The following XRN2 variants were observed in gnomAD, a reference collection of about 807,000 sequenced individuals.
The protein encoded by XRN2 is 5'-3' exoribonuclease 2.
A neutral mutation model predicts 138.5 loss-of-function variants in XRN2; 44 were observed. The observed-to-expected ratio is 0.32, with a 90% CI of 0.25 to 0.41. XRN2 has a LOEUF of 0.41. XRN2 is among the 10% of genes least tolerant of loss of function. XRN2 has a pLI of 1.00. For missense variants in XRN2, 937 were observed against 1,169.3 expected (o/e 0.80, Z 2.90); for synonymous variants, 354 against 369.4 (o/e 0.96, Z 0.48).
At chr20:21,317,025 A>G (rs777420259) in intron 1 of XRN2, among the ~76,000 whole-genome samples, 12 of 152,188 alleles carry the variant, frequency 7.9e-5, no homozygotes, top group East Asian at 1.9e-4. Context: ...AGGATTTTCT[A>G]TATACACAAT....
chr20:21,326,734 GTCAT>G (rs758824376), intron 3 of XRN2, 133 bp downstream of exon 3: 14 of 710,568 alleles, frequency 2.0e-5, no homozygotes, highest in African/African-American at 3.6e-5. Flanking sequence ...TCATCCTTCA[GTCAT>G]TCATTCAGAT....
chr20:21,333,199 A>G (rs202839), intron 9 of XRN2, among the ~76,000 whole-genome samples: 140,401 of 152,250 alleles, frequency 0.92, 64,853 homozygotes, highest in Non-Finnish European at 0.95. Context: ...GCAAACTTCA[A>G]TCCTCCAGGT....
chr20:21,309,400 T>C (rs1442893872), intron 1 of XRN2, among the ~76,000 whole-genome samples: 1 of 152,218 alleles, frequency 6.6e-6, no homozygotes, highest in East Asian at 1.9e-4. Context: ...TTAGTTTGTA[T>C]CTTTCACAGA....
At chr20:21,367,427 A>G (rs2038716502) in intron 26 of XRN2, among the ~76,000 whole-genome samples, 1 of 152,188 alleles carries the variant, frequency 6.6e-6, no homozygotes, top group African/African-American at 2.4e-5. Context: ...CACCATCAAC[A>G]TGTAATTTAT....
At chr20:21,321,100 C>T (rs1003209412) in intron 1 of XRN2, among the ~76,000 whole-genome samples, 1 of 152,142 alleles carries the variant, frequency 6.6e-6, no homozygotes, top group Non-Finnish European at 1.5e-5. Context: ...ACTGCATCCT[C>T]AACTTCCGGG....
chr20:21,381,713 TACACAC>T (rs10523116), intron 27 of XRN2, among the ~76,000 whole-genome samples: 121,612 of 150,158 alleles, frequency 0.81, 49,156 homozygotes, highest in East Asian at 0.96. Context: ...TACACACACA[TACACAC>T]ACACACACAC....
intron 27 of XRN2, among the ~76,000 whole-genome samples, chr20:21,374,057 CAA>C (rs955371659): frequency 3.3e-5 from 5 of 151,966 alleles, no homozygotes; most frequent in African/African-American, 7.2e-5. Context: ...AAATTCAGGA[CAA>C]AAAGAATTAA....
chr20:21,377,414 G>A (rs1017398642), intron 27 of XRN2, among the ~76,000 whole-genome samples: 10 of 151,602 alleles, frequency 6.6e-5, no homozygotes, highest in African/African-American at 2.4e-4. Context: ...GCACCACCAT[G>A]CCCAGCTACT....
intron 1 of XRN2, among the ~76,000 whole-genome samples, chr20:21,321,095 A>T (rs750081247): frequency 1.1e-4 from 17 of 152,050 alleles, no homozygotes; most frequent in Non-Finnish European, 2.2e-4. Flanking sequence ...GGCCCACTGC[A>T]TCCTCAACTT....
In XRN2 at chr20:21,330,717, A is replaced by G. The variant is rs1358808277; in HGVS notation, c.576+12A>G. The G allele has an allele frequency of 6.2e-7, 1 of 1,605,558 alleles. No individual in the cohort carries two copies. Among genetic ancestry groups the G allele is most frequent in the Admixed American group, 1.7e-5 (1 of 59,986 alleles). ...GGAAAAATTTGACAGTAAGTTTCACATTTTGATACTTCAGAAAGATTAGGG... is the reference window on the plus strand; with the variant it reads ...GGAAAAATTTGACAGTAAGTTTCACGTTTTGATACTTCAGAAAGATTAGGG... On this transcript the variant is annotated intron_variant, in intron 6 of 29. Transcript: ENST00000377191.
Position 21,370,753 on chromosome 20 carries a change from A to G in XRN2, c.2584+2163A>G, listed in dbSNP as rs549081893. ...TGGATTGCAGTGGGAAAGGGAAAAG[A>G]TAGTTGAATGTTAGACTTCATAGAT... is the stretch of plus-strand genomic sequence containing the variant. On this transcript the variant is annotated intron_variant, in intron 27 of 29. Transcript: ENST00000377191. Among the ~76,000 whole-genome samples the G allele has an allele frequency of 1.2e-4, 19 of 152,364 alleles. 1 individual carries two copies. The highest frequency in any genetic ancestry group is 3.8e-4 in the African/African-American group (16 of 41,588).
At position 21,380,163 on chromosome 20, in the gene XRN2, G is replaced by T. The variant is rs146109633; in HGVS notation, c.2585-1831G>T. On this transcript the variant is annotated intron_variant, in intron 27 of 29. Coordinates refer to ENST00000377191, the MANE Select transcript of XRN2 (RefSeq NM_012255.5). The stretch of plus-strand genomic sequence containing the variant: ...CCGCAGTGATTCCAGGGGATGTGAA[G>T]TAGAGGGGTCCGGATGAATATTTGC... 6.8e-4 allele frequency among the ~76,000 whole-genome samples: 103 copies of T among 152,284 alleles called. 1 individual carries two copies. The East Asian group carries it at 0.02, about 29-fold the overall frequency.
At chr20:21,348,622 A>G (rs2038468120) in intron 19 of XRN2, among the ~76,000 whole-genome samples, 192 bp downstream of exon 19, 1 of 151,798 alleles carries the variant, frequency 6.6e-6, no homozygotes, top group African/African-American at 2.4e-5. Context: ...TTGGGGAGAA[A>G]TTTTTTTGTT....
At position 21,389,742 on chromosome 20, in the gene XRN2, T is replaced by C. The variant is rs2038969478; in HGVS notation, c.*404T>C. 1 of 153,834 alleles carries C rather than the reference T, an allele frequency of 6.5e-6. No homozygotes were observed. The highest frequency in any genetic ancestry group is 6.5e-5 in the Admixed American group (1 of 15,322). The allele number at this position is 153,834 out of a possible 1,614,324, so 9.5% of individuals were successfully genotyped here. On this transcript the variant is annotated 3_prime_UTR_variant, in exon 30 of 30. Transcript: ENST00000377191. The stretch of plus-strand genomic sequence containing the variant: ...TAGAGTATATATTGTTCAGTATTTC[T>C]TTGGAAACATTTCATTAATGTACTT...
At chr20:21,378,258 T>A (rs1224285109) in intron 27 of XRN2, among the ~76,000 whole-genome samples, 1 of 152,176 alleles carries the variant, frequency 6.6e-6, no homozygotes, top group African/African-American at 2.4e-5. Context: ...ATGTTGAGAG[T>A]AGTTGTTAAA....
chr20:21,348,153 C>T lies in XRN2; in HGVS notation c.1673C>T (p.Ala558Val). The change falls in exon 18 of 30, where the codon GCT becomes GTT. Residue 558 changes from alanine (A) to valine (V), a missense_variant. Around this residue, in one of 6 missense-constraint regions of XRN2, gnomAD observed 471 missense variants for 581.2 expected, o/e 0.81. Transcript: ENST00000377191. The part of the protein sequence containing the change: ...WVLRYYYQGC[A>V]SWKWYYPFHY... Reference sequence around the variant, plus strand: ...CTTTTTTAATGATTCTAGGGCTGTGCTTCCTGGAAGTGGTATTATCCATTT... The same window carrying T: ...CTTTTTTAATGATTCTAGGGCTGTGTTTCCTGGAAGTGGTATTATCCATTT... 6.2e-7 allele frequency: 1 copy of T among 1,609,214 alleles called. No individual in the cohort carries two copies. Among genetic ancestry groups the T allele is most frequent in the Non-Finnish European group, 8.5e-7 (1 of 1,178,770 alleles).
rs187695642 is a variant in XRN2, at chr20:21,380,128, T to C, written c.2585-1866T>C. 3.9e-3 allele frequency among the ~76,000 whole-genome samples: 589 copies of C among 152,276 alleles called. 3 individuals are homozygous for C. Among genetic ancestry groups the C allele is most frequent in the Non-Finnish European group, 4.0e-3 (271 of 68,022 alleles). ...TCCTAATGGTAAAAAGGGGTATGTT[T>C]CCAGGGTAACCGCAGTGATTCCAGG... is the stretch of plus-strand genomic sequence containing the variant. On this transcript the variant is annotated intron_variant, in intron 27 of 29. Coordinates refer to ENST00000377191, the MANE Select transcript of XRN2 (RefSeq NM_012255.5).
At chr20:21,367,824 G>A (rs1171228623) in intron 26 of XRN2, among the ~76,000 whole-genome samples, 2 of 152,128 alleles carry the variant, frequency 1.3e-5, no homozygotes, top group African/African-American at 4.8e-5. Flanking sequence ...AAGCAACATA[G>A]TATTTCCTCT....
chr20:21,327,508 C>A (rs922941583), intron 3 of XRN2, among the ~76,000 whole-genome samples: 4 of 152,084 alleles, frequency 2.6e-5, no homozygotes, highest in Non-Finnish European at 5.9e-5. Context: ...CCTTAGCTAC[C>A]TGATAACTTG....
Sources: allele counts gnomAD v4.1 joint callset (sites outside exome capture counted in the v4.1 genomes callset), GRCh38; gene constraint gnomAD v4.1.1; regional missense constraint gnomAD v4.1.1; transcripts MANE v1.5; gene names NCBI Gene and HGNC (gene_info 2026-07-23, HGNC 2026-07-21).